ADGRF5: variants seen among roughly 807,000 people sequenced by gnomAD.
ADGRF5 encodes adhesion G protein-coupled receptor F5.
Under a neutral mutation model 132.3 loss-of-function variants are expected in ADGRF5, and 75 were observed. That is an observed-to-expected ratio of 0.57 (90% CI 0.47 to 0.69). The LOEUF is 0.69. ADGRF5 is among the 30% of genes least tolerant of loss of function. The pLI, the probability that ADGRF5 is intolerant of heterozygous loss-of-function variation, is 0.00. For missense variants in ADGRF5, 1,516 were observed against 1,630.6 expected, an observed-to-expected ratio of 0.93 and a Z score of 1.21; for synonymous variants, 629 against 597.6, an observed-to-expected ratio of 1.05 and a Z score of -0.77.
At chr6:46,936,694 G>A (rs1332652731) in intron 1 of ADGRF5, among the ~76,000 whole-genome samples, 1 of 152,190 alleles carries the variant, frequency 6.6e-6, no homozygotes, top group Admixed American at 6.5e-5. Flanking sequence ...GCTAGCCTCT[G>A]TTTACCCTCC....
intron 15 of ADGRF5, among the ~76,000 whole-genome samples, chr6:46,862,066 G>T (rs1769817951): frequency 6.6e-6 from 1 of 151,910 alleles, no homozygotes; most frequent in Admixed American, 6.6e-5. Context: ...CTATAATCAT[G>T]CTTTGCACAT....
intron 3 of ADGRF5, among the ~76,000 whole-genome samples, chr6:46,890,042 A>G (rs1773491945): frequency 6.6e-6 from 1 of 152,102 alleles, no homozygotes; most frequent in Admixed American, 6.6e-5. Flanking sequence ...CACAGTTAAT[A>G]CTTAATAAAG....
At chr6:46,950,755 C>T (rs977772259) in intron 1 of ADGRF5, among the ~76,000 whole-genome samples, 3 of 152,122 alleles carry the variant, frequency 2.0e-5, no homozygotes, top group Non-Finnish European at 4.4e-5. Context: ...CTTCGTGATC[C>T]GCTCACCTCA....
intron 14 of ADGRF5, 150 bp from the exon 15 acceptor site, chr6:46,863,246 T>C (rs1242326495): frequency 1.4e-6 from 1 of 725,196 alleles, no homozygotes. Context: ...TTTCTTAATT[T>C]TGCCCTTGAT....
Position 46,905,787 on chromosome 6 carries a change from A to C in ADGRF5, c.102+874T>G, listed in dbSNP as rs116716959. On this transcript the variant is annotated intron_variant, in intron 2 of 20. Coordinates refer to ENST00000283296, the MANE Select transcript of ADGRF5 (RefSeq NM_001098518.2). ...AGAACTGAAATATGTAAAACAAAAA[A>C]GTGGAAAACATTACTACAATAAGAG... Among the ~76,000 whole-genome samples, 1,142 of 152,348 alleles carry C rather than the reference A, an allele frequency of 7.5e-3. 7 individuals are homozygous for C. The highest frequency in any genetic ancestry group is 0.013 in the Non-Finnish European group (858 of 68,022).
At chr6:46,862,319 T>C (rs1769849509) in intron 15 of ADGRF5, among the ~76,000 whole-genome samples, 1 of 152,194 alleles carries the variant, frequency 6.6e-6, no homozygotes. Context: ...TCCCATTTTT[T>C]TACATTGACA....
intron 2 of ADGRF5, among the ~76,000 whole-genome samples, chr6:46,905,658 G>A (rs143814108): frequency 0.017 from 2,635 of 152,070 alleles, 35 homozygotes; most frequent in South Asian, 0.044. Flanking sequence ...TGGAATAGTA[G>A]ACAAATAATT....
At chr6:46,947,734 T>C (rs1331898040) in intron 1 of ADGRF5, among the ~76,000 whole-genome samples, 1 of 152,136 alleles carries the variant, frequency 6.6e-6, no homozygotes, top group Admixed American at 6.5e-5. Context: ...AATAAACACT[T>C]GCAAACAAAA....
At position 46,865,925 on chromosome 6, in the gene ADGRF5, C is replaced by T. The variant is rs555067696; in HGVS notation, c.1835-728G>A. ...TTTCATTGCCTACTATGGTGTCTTG[C>T]GTTGAGTAAGCCCTCCAGAATAGTT... On this transcript the variant is annotated intron_variant, in intron 13 of 20. Coordinates refer to ENST00000283296, the MANE Select transcript of ADGRF5 (RefSeq NM_001098518.2). 4.9e-4 allele frequency among the ~76,000 whole-genome samples: 75 copies of T among 152,222 alleles called. 1 individual carries two copies. Among genetic ancestry groups the T allele is most frequent in the African/African-American group, 1.5e-3 (64 of 41,544 alleles).
At chr6:46,854,514 A>C (rs1768812223) in intron 20 of ADGRF5, among the ~76,000 whole-genome samples, 1 of 152,144 alleles carries the variant, frequency 6.6e-6, no homozygotes, top group Admixed American at 6.5e-5. Flanking sequence ...AAGGAAAGAG[A>C]AAATTATAGG....
chr6:46,942,841 C>T (rs1040095943), intron 1 of ADGRF5, among the ~76,000 whole-genome samples: 4 of 152,132 alleles, frequency 2.6e-5, no homozygotes, highest in African/African-American at 9.7e-5. Flanking sequence ...ACATGCATAA[C>T]CATGAGAGAT....
intron 1 of ADGRF5, among the ~76,000 whole-genome samples, chr6:46,913,886 C>G (rs1173823242): frequency 1.3e-5 from 2 of 152,154 alleles, no homozygotes; most frequent in Non-Finnish European, 2.9e-5. Context: ...CTTACTAAAC[C>G]TTGGCCTGCA....
chr6:46,927,507 A>G (rs944525264), intron 1 of ADGRF5, among the ~76,000 whole-genome samples: 3 of 152,052 alleles, frequency 2.0e-5, no homozygotes, highest in Non-Finnish European at 4.4e-5. Context: ...CCCATCCCCA[A>G]TTTTCTGGTA....
chr6:46,864,526 A>T (rs1375174121), intron 14 of ADGRF5, among the ~76,000 whole-genome samples: 2 of 141,594 alleles, frequency 1.4e-5, no homozygotes, highest in Admixed American at 7.0e-5. Context: ...ACATGTAATA[A>T]TTTTTTTTTT....
chr6:46,894,384 T>C (rs946089175), intron 3 of ADGRF5, among the ~76,000 whole-genome samples: 4 of 151,752 alleles, frequency 2.6e-5, no homozygotes, highest in African/African-American at 7.3e-5. Context: ...CAGGTGTAGA[T>C]GGAGGAGAAA....
intron 16 of ADGRF5, among the ~76,000 whole-genome samples, chr6:46,859,888 C>T (rs1581728990): frequency 6.7e-6 from 1 of 149,016 alleles, no homozygotes; most frequent in East Asian, 2.0e-4. Flanking sequence ...TGGGGTTTCA[C>T]CATGTTGGCC....
intron 10 of ADGRF5, among the ~76,000 whole-genome samples, chr6:46,874,724 G>A (rs1771449712): frequency 6.6e-6 from 1 of 152,286 alleles, no homozygotes. Flanking sequence ...TGTTGAGGGG[G>A]GTGGAAGGAT....
intron 1 of ADGRF5, among the ~76,000 whole-genome samples, chr6:46,954,036 T>C (rs755901379): frequency 1.3e-5 from 2 of 151,962 alleles, no homozygotes; most frequent in African/African-American, 2.4e-5. Context: ...ACCTATCATC[T>C]TGAGCCTCAA....
chr6:46,883,458 G>A (rs987157153), intron 6 of ADGRF5, 101 bp downstream of exon 6: 17 of 664,720 alleles, frequency 2.6e-5, no homozygotes, highest in Admixed American at 6.2e-5. Context: ...ATCCACATCC[G>A]TAAATTCTGA....
Sources: gnomAD v4.1 joint callset for allele counts (sites outside exome capture counted in the v4.1 genomes callset) on GRCh38, gnomAD v4.1.1 for gene constraint, MANE v1.5 for transcripts, NCBI Gene and HGNC (gene_info 2026-07-23, HGNC 2026-07-21) for gene names.